DHX38: variants seen among roughly 807,000 people sequenced by gnomAD.
DHX38 encodes DEAH-box helicase 38, also known as pre-mRNA-splicing factor ATP-dependent RNA helicase PRP16.
DHX38 carries 100 observed loss-of-function variants against 153.1 expected under a neutral mutation model. The ratio of observed to expected loss-of-function variants is 0.65; its 90% CI spans 0.56 to 0.77. DHX38 has a LOEUF of 0.77. DHX38 is among the 30% of genes least tolerant of loss of function. DHX38 has a pLI of 0.00. For synonymous variants in DHX38, 650 were observed against 631.7 expected (o/e 1.03, Z -0.43); for missense variants, 1,440 against 1,654.0 (o/e 0.87, Z 2.24).
Position 72,101,535 on chromosome 16 carries a change from ACTGGGAGATAT to A in DHX38, c.1423_1433del (p.Leu475AsnfsTer11). ...AACACTGGGAACTGGCGGGGACCAA[ACTGGGAGATAT>A]AATGGGCGTCAAGAAGGAGGAAGAG... On this transcript the variant is annotated frameshift_variant, in exon 11 of 27. Transcript: ENST00000268482. LOFTEE classifies it high-confidence loss of function. 1.3e-6 allele frequency: 2 copies of A among 1,552,082 alleles called. No homozygotes were observed. The highest frequency in any genetic ancestry group is 1.7e-6 in the Non-Finnish European group (2 of 1,147,204).
chr16:72,108,635 C>A, intron 23 of DHX38, 28 bp downstream of exon 23: 1 of 1,609,132 alleles, frequency 6.2e-7, no homozygotes, highest in Non-Finnish European at 8.5e-7. Context: ...GTGAGCCCCT[C>A]CCAGCCTGAT....
rs1420853781 is a variant in DHX38 at position 72,098,789 on chromosome 16, A to G, written c.761A>G (p.Asp254Gly). ...CATCGGCTGTCCACTCGAGATCGAG[A>G]CAGGTGATGTTCTGGGCAGAGCAGC... ...RSHRLSTRDRDRSVRGKYSDD... is the reference protein window; with the variant it reads ...RSHRLSTRDRGRSVRGKYSDD... The change falls in exon 5 of 27, where the codon GAC becomes GGC. Residue 254 changes from aspartate to glycine, a missense_variant. Asp to Gly is a moderately conservative substitution (Grantham distance 94). Transcript: ENST00000268482. 1 of 1,614,074 alleles carries G rather than the reference A, an allele frequency of 6.2e-7. No individual in the cohort carries two copies. The highest frequency in any genetic ancestry group is 1.1e-5 in the South Asian group (1 of 91,070).
In DHX38 at chr16:72,096,812, CCT is replaced by C. The variant is rs763916361; in HGVS notation, c.324-9_324-8del. The C allele has an allele frequency of 8.1e-6, 13 of 1,606,324 alleles. No individual in the cohort carries two copies. In the African/African-American group the frequency reaches 1.6e-4, roughly 20 times the overall value. ...GGAGGGGCCTTTACCAGTTGCTCTC[CCT>C]GTTTCAGACATTATCGGTCTGCTCG... On this transcript the variant is annotated splice_region_variant and splice_polypyrimidine_tract_variant and intron_variant, in intron 2 of 26. Coordinates refer to ENST00000268482, the MANE Select transcript of DHX38 (RefSeq NM_014003.4).
At chr16:72,109,381 T>C in intron 24 of DHX38, 34 bp from the exon 25 acceptor site, 2 of 1,607,480 alleles carry the variant, frequency 1.2e-6, no homozygotes, top group Non-Finnish European at 1.7e-6. Flanking sequence ...TTGGCCCTCC[T>C]GTGACCCTCG....
Position 72,103,753 on chromosome 16 carries a change from G to A in DHX38, c.1789G>A (p.Val597Ile). 6.2e-7 allele frequency: 1 copy of A among 1,613,646 alleles called. No individual in the cohort carries two copies. Among genetic ancestry groups the A allele is most frequent in the Non-Finnish European group, 8.5e-7 (1 of 1,179,538 alleles). ...AGCTGCCATGTCAGTGGCCAAGAGAGTCAGTGAAGAGATGGGGGGAAACCT... is the reference window on the plus strand; with the variant it reads ...AGCTGCCATGTCAGTGGCCAAGAGAATCAGTGAAGAGATGGGGGGAAACCT... ...RVAAMSVAKR[V>I]SEEMGGNLGE... Residue 597 changes from valine to isoleucine, a missense_variant, in exon 13 of 27, where the codon GTC (valine) becomes ATC (isoleucine). Val to Ile is a conservative substitution (Grantham distance 29). Around this residue, in one of 6 missense-constraint regions of DHX38, gnomAD observed 241 missense variants for 229.5 expected, o/e 1.05. Transcript: ENST00000268482.
rs2042272551 is a variant in DHX38, at chr16:72,112,605, T to G, written c.*108T>G. 8.3e-7 allele frequency: 1 copy of G among 1,211,884 alleles called. No individual in the cohort carries two copies. Among genetic ancestry groups the G allele is most frequent in the Non-Finnish European group, 1.2e-6 (1 of 840,584 alleles). The allele number at this position is 1,211,884 out of a possible 1,614,324, so 75.1% of individuals were successfully genotyped here. On this transcript the variant is annotated 3_prime_UTR_variant, in exon 27 of 27. Transcript: ENST00000268482. ...CCTTTCATCTGAGGACTTTCATCTGTGCATATCACGGCCCCCCAGGGCAGT... is the reference window on the plus strand; with the variant it reads ...CCTTTCATCTGAGGACTTTCATCTGGGCATATCACGGCCCCCCAGGGCAGT...
chr16:72,109,582 A>C, intron 25 of DHX38, 72 bp downstream of exon 25: 2 of 1,412,172 alleles, frequency 1.4e-6, no homozygotes, highest in Non-Finnish European at 1.9e-6. Flanking sequence ...TTGGTATTGA[A>C]GACTTGCGGT....
chr16:72,101,594 A>C lies in DHX38; in HGVS notation c.1481A>C (p.Asp494Ala), dbSNP rs148774432. ...EEEPDKAVTE[D>A]GKVDYRTEQK... is the part of the protein sequence containing the mutation. ...GAGCCAGATAAAGCTGTGACGGAGG[A>C]TGGGAAGGTGGACTACAGGTGGGCA... is the stretch of plus-strand genomic sequence containing the variant. The change falls in exon 11 of 27, where the codon GAT (aspartate) becomes GCT (alanine). Residue 494 changes from aspartate (D) to alanine (A), a missense_variant. By Grantham distance (126) the Asp-to-Ala change is moderately radical. Around this residue, in one of 6 missense-constraint regions of DHX38, gnomAD observed 241 missense variants for 229.5 expected, o/e 1.05. Transcript: ENST00000268482. 2.4e-4 allele frequency: 370 copies of C among 1,551,612 alleles called. No homozygotes were observed. Among genetic ancestry groups the C allele is most frequent in the Admixed American group, 6.5e-4 (33 of 50,990 alleles).
intron 18 of DHX38, 80 bp from the exon 19 acceptor site, chr16:72,105,925 C>G: frequency 1.5e-6 from 2 of 1,342,752 alleles, no homozygotes; most frequent in Middle Eastern, 1.8e-4. Flanking sequence ...GTGTAGCAAC[C>G]AGGGCTTGCC....
rs2042210109 is a variant in DHX38 at position 72,108,322 on chromosome 16, C to T, written c.3060C>T (p.Asn1020=). 3 of 1,614,014 alleles carry T rather than the reference C, an allele frequency of 1.9e-6. No individual in the cohort carries two copies. The highest frequency in any genetic ancestry group is 1.7e-5 in the Admixed American group (1 of 60,006). Residue 1020 remains asparagine (N), a synonymous_variant, in exon 22 of 27, where the codon AAC becomes AAT. Coordinates refer to ENST00000268482, the MANE Select transcript of DHX38 (RefSeq NM_014003.4). ...TYLNVYLQWK[N]NNYSTIWCND... ...TGAATGTTTACCTGCAGTGGAAGAA[C>T]AATAATTACTCCACCATCTGGTGTA...
At chr16:72,102,246 G>A (rs537723048) in intron 11 of DHX38, among the ~76,000 whole-genome samples, 4 of 152,302 alleles carry the variant, frequency 2.6e-5, no homozygotes, top group East Asian at 3.9e-4. Context: ...ATGTCCATAC[G>A]AGAAGTTGGT....
Position 72,101,145 on chromosome 16 carries a change from A to G in DHX38, c.1338A>G (p.Lys446=). 1.9e-6 allele frequency: 3 copies of G among 1,614,272 alleles called. No individual in the cohort carries two copies. Among genetic ancestry groups the G allele is most frequent in the East Asian group, 2.2e-5 (1 of 44,892 alleles). The change falls in exon 10 of 27, where the codon AAA becomes AAG. Residue 446 remains lysine, a synonymous_variant. Transcript: ENST00000268482. ...ATSDLAIIAR[K]GSQTVRKHRE... is the part of the protein sequence containing the mutation. The stretch of plus-strand genomic sequence containing the variant: ...CTGACCTGGCCATCATTGCTCGGAA[A>G]GGCAGCCAGACAGTGCGGAAGCACA...
chr16:72,110,591 C>T (rs2042242929), intron 25 of DHX38, among the ~76,000 whole-genome samples: 1 of 152,226 alleles, frequency 6.6e-6, no homozygotes, highest in Admixed American at 6.5e-5. Flanking sequence ...ATAATTCTCC[C>T]CATACCAGGC....
rs778359237 is a variant in DHX38 at position 72,099,837 on chromosome 16, C to A, written c.1066C>A (p.His356Asn). The A allele has an allele frequency of 1.5e-5, 25 of 1,613,514 alleles. 1 individual carries two copies. The South Asian group carries it at 2.5e-4, about 16-fold the overall frequency. ...CGTGAGGAGGCGGGAGCAGCACCTG[C>A]ATAAACAGAAGCAGAAGCGCATTTC... ...DYVRRREQHL[H>N]KQKQKRISAQ... The change falls in exon 8 of 27, where the codon CAT becomes AAT. Residue 356 changes from histidine (H) to asparagine (N), a missense_variant. Transcript: ENST00000268482.
Position 72,096,969 on chromosome 16 carries a change from G to A in DHX38, c.471G>A (p.Glu157=), listed in dbSNP as rs375554088. The A allele has an allele frequency of 1.2e-6, 2 of 1,613,944 alleles. No homozygotes were observed. The highest frequency in any genetic ancestry group is 2.7e-5 in the African/African-American group (2 of 74,910). The part of the protein sequence containing the change: ...SSKEEKDWKK[E]KSRDRDYDRK... ...AAGAAGAAAAGGATTGGAAGAAGGA[G>A]AAATCGCGGGATCGAGACTATGACC... The change falls in exon 3 of 27, where the codon GAG becomes GAA. Residue 157 remains glutamate, a synonymous_variant. Coordinates refer to ENST00000268482, the MANE Select transcript of DHX38 (RefSeq NM_014003.4).
Position 72,109,522 on chromosome 16 carries a change from G to C in DHX38, c.3477+12G>C. ...GCAAGTCACGGCAGGTGAGGATTCT[G>C]TGCTCTTCGCAGGGGTGCTGTTTGC... is the stretch of plus-strand genomic sequence containing the variant. On this transcript the variant is annotated intron_variant, in intron 25 of 26. Coordinates refer to ENST00000268482, the MANE Select transcript of DHX38 (RefSeq NM_014003.4). 6.2e-7 allele frequency: 1 copy of C among 1,608,138 alleles called. No individual in the cohort carries two copies. The highest frequency in any genetic ancestry group is 8.5e-7 in the Non-Finnish European group (1 of 1,177,624).
chr16:72,101,018 A>C (rs2042092252), intron 9 of DHX38, 68 bp from the exon 10 acceptor site: 14 of 1,445,870 alleles, frequency 9.7e-6, no homozygotes, highest in African/African-American at 1.4e-5. Context: ...TTTCACAAGT[A>C]GGGATCTTAT....
In DHX38 at chr16:72,110,989, G is replaced by C; in HGVS notation, c.3511G>C (p.Ala1171Pro). Residue 1171 changes from alanine to proline, a missense_variant, in exon 26 of 27, where the codon GCC (alanine) becomes CCC (proline). Coordinates refer to ENST00000268482, the MANE Select transcript of DHX38 (RefSeq NM_014003.4). Reference protein sequence around the residue: ...NRRRAKEEASAMEEEMALAEE... With the variant: ...NRRRAKEEASPMEEEMALAEE... Reference sequence around the variant, plus strand: ...TCGTCGGGCCAAAGAGGAAGCCTCTGCCATGGAGGAGGAGATGGCGCTGGC... The same window carrying C: ...TCGTCGGGCCAAAGAGGAAGCCTCTCCCATGGAGGAGGAGATGGCGCTGGC... The C allele has an allele frequency of 6.3e-7, 1 of 1,587,680 alleles. No homozygotes were observed.
intron 4 of DHX38, among the ~76,000 whole-genome samples, chr16:72,098,150 TGGCTA>T (rs1242975497): frequency 6.6e-5 from 10 of 152,212 alleles, no homozygotes; most frequent in Non-Finnish European, 1.3e-4. Flanking sequence ...ACTGGACCAT[TGGCTA>T]GGTGCAGTGG....
Sources: allele counts gnomAD v4.1 joint callset (sites outside exome capture counted in the v4.1 genomes callset), GRCh38; gene constraint gnomAD v4.1.1; regional missense constraint gnomAD v4.1.1; transcripts MANE v1.5; gene names NCBI Gene and HGNC (gene_info 2026-07-23, HGNC 2026-07-21).